The following ATL2 variants were observed in gnomAD, a reference collection of about 807,000 sequenced individuals.
The protein encoded by ATL2 is atlastin GTPase 2.
Under a neutral mutation model 73.9 loss-of-function variants are expected in ATL2, and 31 were observed. The observed-to-expected ratio is 0.42, with a 90% CI of 0.32 to 0.57. The LOEUF (loss-of-function observed/expected upper bound fraction) is 0.57, where lower values mean the gene tolerates loss of function less well. ATL2 is among the 20% of genes least tolerant of loss of function. The probability of loss-of-function intolerance (pLI) is 0.14; values close to 1 mark genes in which losing one functional copy is unlikely to be tolerated. For synonymous variants in ATL2, 291 were observed against 237.5 expected, an observed-to-expected ratio of 1.23 and a Z score of -2.07; for missense variants, 738 against 702.6, an observed-to-expected ratio of 1.05 and a Z score of -0.57.
chr2:38,357,566 C>T (rs1277856104), intron 1 of ATL2, among the ~76,000 whole-genome samples: 1 of 145,214 alleles, frequency 6.9e-6, no homozygotes, highest in African/African-American at 2.6e-5. Flanking sequence ...GCAGAAGAAT[C>T]GCTTGAACCC....
intron 2 of ATL2, among the ~76,000 whole-genome samples, chr2:38,322,993 A>T (rs1238390447): frequency 6.6e-6 from 1 of 152,254 alleles, no homozygotes; most frequent in Admixed American, 6.5e-5. Context: ...CAGCTTTCAT[A>T]AAATACAGTC....
At chr2:38,370,617 A>T (rs940443096) in intron 1 of ATL2, among the ~76,000 whole-genome samples, 1 of 152,058 alleles carries the variant, frequency 6.6e-6, no homozygotes, top group Non-Finnish European at 1.5e-5. Context: ...TAAAAAATAC[A>T]AAAATTAGGC....
intron 10 of ATL2, 152 bp from the exon 11 acceptor site, chr2:38,299,479 G>T: frequency 1.3e-6 from 1 of 773,598 alleles, no homozygotes; most frequent in Non-Finnish European, 1.9e-6. Context: ...GGGAACGTTG[G>T]TATAAAGGAT....
chr2:38,370,165 AAAAAAAG>A (rs1377791433), intron 1 of ATL2, among the ~76,000 whole-genome samples: 1,485 of 146,064 alleles, frequency 0.01, 41 homozygotes, highest in African/African-American at 0.037. Context: ...AAAAAAAAAA[AAAAAAAG>A]AAAGAAAATC....
intron 1 of ATL2, among the ~76,000 whole-genome samples, chr2:38,359,331 G>A (rs750517805): frequency 2.0e-5 from 3 of 152,010 alleles, no homozygotes; most frequent in Non-Finnish European, 4.4e-5. Context: ...TTAGCCAGGC[G>A]TGGTGCCACA....
intron 1 of ATL2, among the ~76,000 whole-genome samples, chr2:38,349,037 G>A (rs1670188131): frequency 6.6e-6 from 1 of 150,824 alleles, no homozygotes; most frequent in African/African-American, 2.4e-5. Flanking sequence ...GTGCTGGAGA[G>A]GATGTGGAGA....
chr2:38,304,646 T>C (rs1211067774), intron 9 of ATL2, among the ~76,000 whole-genome samples: 2 of 151,896 alleles, frequency 1.3e-5, no homozygotes, highest in South Asian at 2.1e-4. Flanking sequence ...GTTTAAAAAG[T>C]GGGGGGATGA....
intron 9 of ATL2, among the ~76,000 whole-genome samples, chr2:38,301,732 T>A (rs571696600): frequency 6.6e-6 from 1 of 152,280 alleles, no homozygotes; most frequent in Admixed American, 6.5e-5. Flanking sequence ...AGGTCCTGAA[T>A]AAACTTGAAA....
intron 9 of ATL2, among the ~76,000 whole-genome samples, chr2:38,306,530 TTCA>T (rs1241650676): frequency 1.3e-5 from 2 of 152,192 alleles, no homozygotes; most frequent in African/African-American, 2.4e-5. Flanking sequence ...AAAAAGATCA[TTCA>T]TCATCACCTA....
At chr2:38,300,444 G>A in intron 9 of ATL2, 116 bp from the exon 10 acceptor site, 1 of 662,158 alleles carries the variant, frequency 1.5e-6, no homozygotes, top group Non-Finnish European at 2.6e-6. Context: ...GTAAATTCTA[G>A]GCTTTAAAAA....
At chr2:38,299,129 A>C in intron 11 of ATL2, 127 bp downstream of exon 11, 1 of 785,628 alleles carries the variant, frequency 1.3e-6, no homozygotes, top group Non-Finnish European at 1.8e-6. Flanking sequence ...CATAAAGGGG[A>C]ATTAGGGAAT....
intron 1 of ATL2, among the ~76,000 whole-genome samples, chr2:38,366,548 GC>G (rs773603958): frequency 1.3e-5 from 2 of 152,190 alleles, no homozygotes; most frequent in Admixed American, 6.5e-5. Flanking sequence ...CAGTGGCATA[GC>G]CTACACTTTG....
intron 7 of ATL2, among the ~76,000 whole-genome samples, chr2:38,312,794 T>C (rs1667831437): frequency 1.3e-5 from 2 of 152,072 alleles, no homozygotes; most frequent in South Asian, 4.1e-4. Context: ...CAGTCATGCT[T>C]CCTGTTAAGC....
chr2:38,301,259 C>T (rs1000564196), intron 9 of ATL2, among the ~76,000 whole-genome samples: 1 of 152,124 alleles, frequency 6.6e-6, no homozygotes, highest in Admixed American at 6.5e-5. Context: ...CATAAGCCAC[C>T]GTGCCTGGCT....
intron 2 of ATL2, among the ~76,000 whole-genome samples, chr2:38,334,569 A>G (rs1423929708): frequency 6.0e-5 from 9 of 151,072 alleles, no homozygotes; most frequent in Non-Finnish European, 1.3e-4. Flanking sequence ...GTAGTGGTGC[A>G]TGCCTGTAAT....
intron 1 of ATL2, among the ~76,000 whole-genome samples, chr2:38,361,658 G>A (rs1355270738): frequency 6.6e-6 from 1 of 151,886 alleles, no homozygotes; most frequent in South Asian, 2.1e-4. Flanking sequence ...TGGCTACTTG[G>A]GTATCTATTT....
chr2:38,376,087 T>C (rs1159074577), intron 1 of ATL2: 21 of 1,455,720 alleles, frequency 1.4e-5, no homozygotes, highest in East Asian at 2.5e-5. Flanking sequence ...CTGTATTTAA[T>C]AATAAACTCT....
At chr2:38,374,143 G>C (rs140731550) in intron 1 of ATL2, among the ~76,000 whole-genome samples, 1 of 144,576 alleles carries the variant, frequency 6.9e-6, no homozygotes, top group Non-Finnish European at 1.5e-5. Context: ...CACCTGCCTC[G>C]GCCTCCGAAA....
intron 2 of ATL2, among the ~76,000 whole-genome samples, chr2:38,332,771 A>G (rs1451156716): frequency 6.6e-6 from 1 of 152,232 alleles, no homozygotes; most frequent in East Asian, 1.9e-4. Context: ...TTGACTGTCC[A>G]TATACTAGTA....
Sources: gnomAD v4.1 joint callset for allele counts (sites outside exome capture counted in the v4.1 genomes callset) on GRCh38, gnomAD v4.1.1 for gene constraint, MANE v1.5 for transcripts, NCBI Gene and HGNC (gene_info 2026-07-23, HGNC 2026-07-21) for gene names.